The following E2F3 variants were observed in gnomAD, a reference collection of about 807,000 sequenced individuals.
The protein encoded by E2F3 is transcription factor E2F3.
E2F3 carries 11 observed loss-of-function variants against 44.4 expected under a neutral mutation model. That is an observed-to-expected ratio of 0.25 (90% confidence interval 0.16 to 0.41). The LOEUF (loss-of-function observed/expected upper bound fraction) is 0.41. E2F3 is among the 10% of genes least tolerant of loss of function. E2F3 has a pLI of 1.00. For missense variants in E2F3, 487 were observed against 583.6 expected (o/e 0.83, Z 1.70); for synonymous variants, 249 against 253.0 (o/e 0.98, Z 0.15).
chr6:20,437,481 TTTTTTTTTTCAAAAAAA>T (rs956796866), intron 1 of E2F3, among the ~76,000 whole-genome samples: 2 of 137,826 alleles, frequency 1.5e-5, no homozygotes, highest in Admixed American at 7.0e-5. Flanking sequence ...AAGAATTGTC[TTTTTTTTTTCAAAAAAA>T]TTTTTTTTCT....
chr6:20,421,659 TCA>T (rs1212710313), intron 1 of E2F3: 5 of 152,242 alleles, frequency 3.3e-5, no homozygotes, highest in South Asian at 2.1e-4. Flanking sequence ...CACTGATAGA[TCA>T]CAGAGTAGAT....
intron 2 of E2F3, 37 bp from the exon 3 acceptor site, chr6:20,481,169 C>G (rs1561884069): frequency 6.3e-7 from 1 of 1,599,358 alleles, no homozygotes; most frequent in Admixed American, 1.7e-5. Context: ...ACCTTTCCCC[C>G]TATCCCCCAC....
chr6:20,402,491 A>C lies in E2F3; in HGVS notation c.259A>C (p.Ser87Arg). Residue 87 changes from serine (S) to arginine (R), a missense_variant, in exon 1 of 7, where the codon AGT (serine) becomes CGT (arginine). Coordinates refer to ENST00000346618, the MANE Select transcript of E2F3 (RefSeq NM_001949.5). This position sits in a 1 kb window ranked among gnomAD's most constrained non-coding sequence, Gnocchi z 5.6. ...CGTAGCCGCCGGCCCCCTCCTCCCC[A>C]GTGCCCCCGGCGCGGAGCAGACCGC... ...GAVAAGPLLP[S>R]APGAEQTAGS... is the part of the protein sequence containing the mutation. The C allele has an allele frequency of 1.9e-6, 3 of 1,605,448 alleles. No homozygotes were observed. The highest frequency in any genetic ancestry group is 2.5e-6 in the Non-Finnish European group (3 of 1,178,650).
At chr6:20,489,187 C>T (rs1298200786) in intron 6 of E2F3, among the ~76,000 whole-genome samples, 2 of 152,110 alleles carry the variant, frequency 1.3e-5, no homozygotes, top group Non-Finnish European at 2.9e-5. Flanking sequence ...TAATACTGAG[C>T]AAAAGTACAT....
intron 1 of E2F3, among the ~76,000 whole-genome samples, chr6:20,462,306 A>G (rs974777845): frequency 6.6e-6 from 1 of 152,138 alleles, no homozygotes. Context: ...TCCGATACAC[A>G]GTTTATTAAA....
chr6:20,405,041 A>T (rs1265083417), intron 1 of E2F3, among the ~76,000 whole-genome samples: 1 of 152,178 alleles, frequency 6.6e-6, no homozygotes, highest in East Asian at 1.9e-4. Flanking sequence ...GTTGATTTTT[A>T]AAAAATTTTA....
chr6:20,424,383 ATG>A (rs57510288), intron 1 of E2F3, among the ~76,000 whole-genome samples: 93,188 of 146,764 alleles, frequency 0.63, 30,875 homozygotes, highest in Non-Finnish European at 0.75. Flanking sequence ...GAGTGTGTGT[ATG>A]TGTGTGTGTG....
At chr6:20,461,644 TATA>T (rs943199565) in intron 1 of E2F3, among the ~76,000 whole-genome samples, 1 of 152,250 alleles carries the variant, frequency 6.6e-6, no homozygotes, top group African/African-American at 2.4e-5. Flanking sequence ...TTTAAAATTT[TATA>T]AAAAGATGCC....
At chr6:20,458,640 A>G (rs1264453526) in intron 1 of E2F3, among the ~76,000 whole-genome samples, 2 of 152,190 alleles carry the variant, frequency 1.3e-5, no homozygotes, top group East Asian at 3.8e-4. Context: ...CCCTAATTCC[A>G]TTCTGTCCTT....
At chr6:20,415,777 C>T (rs983783264) in intron 1 of E2F3, among the ~76,000 whole-genome samples, 1 of 152,198 alleles carries the variant, frequency 6.6e-6, no homozygotes, top group Non-Finnish European at 1.5e-5. Flanking sequence ...TGGTAGTGCT[C>T]TGTGCAGGCC....
Position 20,490,480 on chromosome 6 carries a change from A to G in E2F3, c.*50A>G. 6.6e-7 allele frequency: 1 copy of G among 1,512,392 alleles called. No individual in the cohort carries two copies. 93.7% of individuals were successfully genotyped at this position (1,512,392 alleles called of 1,614,324 possible). A position where few individuals can be genotyped will look rare whatever the true frequency, so the allele number is the denominator to read the frequency against. ...AAAAACCGATATTTTTTTATCATGGAACCAGAACATCTGTCATGCAGTGTT... is the reference window on the plus strand; with the variant it reads ...AAAAACCGATATTTTTTTATCATGGGACCAGAACATCTGTCATGCAGTGTT... On this transcript the variant is annotated 3_prime_UTR_variant, in exon 7 of 7. Transcript: ENST00000346618. This position sits in a 1 kb window ranked among gnomAD's most constrained non-coding sequence, Gnocchi z 4.3.
At chr6:20,445,097 G>A in intron 1 of E2F3, 1 of 985,446 alleles carries the variant, frequency 1.0e-6, no homozygotes, top group Non-Finnish European at 1.2e-6. Context: ...GGGCTGGAGA[G>A]TCGAGAGCGG....
chr6:20,469,024 TGGA>T (rs2127613173), intron 1 of E2F3, among the ~76,000 whole-genome samples: 1 of 152,186 alleles, frequency 6.6e-6, no homozygotes, highest in Non-Finnish European at 1.5e-5. Flanking sequence ...GGAGGAAAAG[TGGA>T]GATTTGGTAG....
At chr6:20,457,615 AAGG>A (rs768638618) in intron 1 of E2F3, among the ~76,000 whole-genome samples, 58 of 152,238 alleles carry the variant, frequency 3.8e-4, no homozygotes, top group Non-Finnish European at 6.9e-4. Flanking sequence ...CACTCATAAA[AAGG>A]AGACAAACTG....
intron 1 of E2F3, among the ~76,000 whole-genome samples, chr6:20,477,824 G>C (rs890450355): frequency 2.6e-5 from 4 of 152,098 alleles, no homozygotes; most frequent in African/African-American, 9.7e-5. Context: ...AGGAAGGTGT[G>C]GTGAAAGAAA....
intron 5 of E2F3, among the ~76,000 whole-genome samples, chr6:20,487,822 C>T (rs1386381931): frequency 6.6e-6 from 1 of 152,186 alleles, no homozygotes; most frequent in Non-Finnish European, 1.5e-5. Context: ...GCACCTCTGA[C>T]ATTGTGATAC....
Position 20,402,104 on chromosome 6 carries a change from A to C in E2F3, c.-129A>C. 1 of 1,389,466 alleles carries C rather than the reference A, an allele frequency of 7.2e-7. No homozygotes were observed. 86.1% of individuals were successfully genotyped at this position (1,389,466 alleles called of 1,614,324 possible). On this transcript the variant is annotated 5_prime_UTR_variant, in exon 1 of 7. Transcript: ENST00000346618. This position sits in a 1 kb window ranked among gnomAD's most constrained non-coding sequence, Gnocchi z 5.6. Reference sequence around the variant, plus strand: ...GGAAAAATAAAAAGAAAAGAGAGAGAGGGGGCTCGGAAGCGCCGGGCGGGG... The same window carrying C: ...GGAAAAATAAAAAGAAAAGAGAGAGCGGGGGCTCGGAAGCGCCGGGCGGGG...
Position 20,402,535 on chromosome 6 carries a change from C to T in E2F3, c.303C>T (p.Thr101=). 2 of 1,596,726 alleles carry T rather than the reference C, an allele frequency of 1.3e-6. No homozygotes were observed. The highest frequency in any genetic ancestry group is 8.5e-7 in the Non-Finnish European group (1 of 1,177,884). ...AGACCGCCGGCAGCCTCCTCTACAC[C>T]ACGCCGCACGGACCCTCCAGCAGAG... is the stretch of plus-strand genomic sequence containing the variant. ...AEQTAGSLLY[T]TPHGPSSRAG... Residue 101 remains threonine, a synonymous_variant, in exon 1 of 7, where the codon ACC becomes ACT. Coordinates refer to ENST00000346618, the MANE Select transcript of E2F3 (RefSeq NM_001949.5). This position sits in a 1 kb window ranked among gnomAD's most constrained non-coding sequence, Gnocchi z 5.6.
intron 1 of E2F3, among the ~76,000 whole-genome samples, chr6:20,472,124 C>T (rs946836667): frequency 2.0e-5 from 3 of 148,772 alleles, no homozygotes; most frequent in African/African-American, 7.4e-5. Flanking sequence ...ATTTACCTGC[C>T]AAGGGACTTT....
Sources: allele counts gnomAD v4.1 joint callset (sites outside exome capture counted in the v4.1 genomes callset), GRCh38; gene constraint gnomAD v4.1.1; non-coding constraint Gnocchi (gnomAD v3.1); transcripts MANE v1.5; gene names NCBI Gene and HGNC (gene_info 2026-07-23, HGNC 2026-07-21).